The following ZNF12 variants were observed in gnomAD, a reference collection of about 807,000 sequenced individuals.
The protein encoded by ZNF12 is zinc finger protein 12, also known as gonadotropin inducible transcription repressor 3.
ZNF12 carries 34 observed loss-of-function variants against 66.6 expected under a neutral mutation model. The observed-to-expected ratio is 0.51, with a 90% CI of 0.39 to 0.68. The LOEUF is 0.68. Ranked by LOEUF, ZNF12 falls within the 30% of genes least tolerant of loss-of-function variation. The pLI, the probability that ZNF12 is intolerant of heterozygous loss-of-function variation, is 0.00. For synonymous variants in ZNF12, 320 were observed against 278.9 expected, an observed-to-expected ratio of 1.15 and a Z score of -1.47; for missense variants, 697 against 826.9, an observed-to-expected ratio of 0.84 and a Z score of 1.93.
chr7:6,692,177 G>C lies in ZNF12; in HGVS notation c.765C>G (p.Asp255Glu), dbSNP rs778673098. Residue 255 changes from aspartate to glutamate, a missense_variant, in exon 5 of 5, where the codon GAC becomes GAG. Transcript: ENST00000405858. The surrounding 1 kb of genome is among the most constrained non-coding windows in gnomAD (Gnocchi z 5.1). Reference sequence around the variant, plus strand: ...TATGAGATGTCTGATGTACAGTGAGGTCCGACATCTGGAGAAAGGCTATTT... The same window carrying C: ...TATGAGATGTCTGATGTACAGTGAGCTCCGACATCTGGAGAAAGGCTATTT... ...GSEIAFLQMSDLTVHQTSHME... is the reference protein window; with the variant it reads ...GSEIAFLQMSELTVHQTSHME... 2.5e-6 allele frequency: 4 copies of C among 1,613,950 alleles called. No homozygotes were observed. The highest frequency in any genetic ancestry group is 1.1e-5 in the South Asian group (1 of 91,086).
chr7:6,698,284 G>C lies in ZNF12; in HGVS notation c.16-473C>G, dbSNP rs546151593. 2.6e-5 allele frequency among the ~76,000 whole-genome samples: 4 copies of C among 151,818 alleles called. No homozygotes were observed. Among genetic ancestry groups the C allele is most frequent in the Non-Finnish European group, 4.4e-5 (3 of 67,984 alleles). On this transcript the variant is annotated intron_variant, in intron 2 of 4. Transcript: ENST00000405858. The surrounding 1 kb of genome is among the most constrained non-coding windows in gnomAD (Gnocchi z 4.4). ...GTCATCCTGAATGTTGTGGGCCTAC[G>C]GCTGTCTTGAGTCTTTTTCTCTTTG...
chr7:6,690,719 G>C lies in ZNF12; in HGVS notation c.*129C>G. 1.1e-6 allele frequency: 1 copy of C among 933,308 alleles called. No homozygotes were observed. Among genetic ancestry groups the C allele is most frequent in the Non-Finnish European group, 1.6e-6 (1 of 641,784 alleles). 57.8% of individuals were successfully genotyped at this position (933,308 alleles called of 1,614,324 possible). On this transcript the variant is annotated 3_prime_UTR_variant, in exon 5 of 5. Transcript: ENST00000405858. The stretch of plus-strand genomic sequence containing the variant: ...CATTCTGTGAGTCTTCAGATTATGA[G>C]TCCAACACACAAGGGGATGTCCACA...
At chr7:6,704,405 T>G (rs954728961) in intron 2 of ZNF12, 1 of 151,202 alleles carries the variant, frequency 6.6e-6, no homozygotes, top group Non-Finnish European at 1.5e-5. Context: ...AAAAAGAATC[T>G]ACCTTTGAGA....
chr7:6,700,289 GAA>G (rs71539971), intron 2 of ZNF12, among the ~76,000 whole-genome samples: 5 of 119,510 alleles, frequency 4.2e-5, no homozygotes, highest in African/African-American at 1.3e-4. Flanking sequence ...CGTCTGAGAG[GAA>G]AAAAAAAAAA....
chr7:6,688,611 C>T lies in ZNF12; in HGVS notation c.*2237G>A, dbSNP rs764283870. The T allele has an allele frequency of 2.4e-4, 36 of 152,254 alleles. No homozygotes were observed. The highest frequency in any genetic ancestry group is 6.5e-4 in the African/African-American group (27 of 41,540). The allele number at this position is 152,254 out of a possible 1,614,324, so 9.4% of individuals were successfully genotyped here. ...TCCTGTTACGTACCATACTCACAAT[C>T]GTCTTGAAGAATATGGAGAAAAAGT... On this transcript the variant is annotated 3_prime_UTR_variant, in exon 5 of 5. Transcript: ENST00000405858. This position sits in a 1 kb window ranked among gnomAD's most constrained non-coding sequence, Gnocchi z 4.3.
At chr7:6,699,636 T>C (rs924292746) in intron 2 of ZNF12, among the ~76,000 whole-genome samples, 3 of 152,232 alleles carry the variant, frequency 2.0e-5, no homozygotes, top group Non-Finnish European at 4.4e-5. Flanking sequence ...CGTATGGCAT[T>C]GCCCTGCCTT....
In ZNF12 at chr7:6,698,304, T is replaced by C. The variant is rs1780184104; in HGVS notation, c.16-493A>G. On this transcript the variant is annotated intron_variant, in intron 2 of 4. Coordinates refer to ENST00000405858, the MANE Select transcript of ZNF12 (RefSeq NM_016265.4). This position sits in a 1 kb window ranked among gnomAD's most constrained non-coding sequence, Gnocchi z 4.4. ...CCTACGGCTGTCTTGAGTCTTTTTC[T>C]CTTTGCTGTCTGTACTTGCTGCTTT... Among the ~76,000 whole-genome samples the C allele has an allele frequency of 6.6e-6, 1 of 152,166 alleles. No homozygotes were observed. Among genetic ancestry groups the C allele is most frequent in the Admixed American group, 6.6e-5 (1 of 15,264 alleles).
intron 2 of ZNF12, among the ~76,000 whole-genome samples, chr7:6,704,740 CAAAAAAAAAAAAAAAAAAA>C (rs949897713): frequency 4.0e-4 from 13 of 32,254 alleles, no homozygotes; most frequent in East Asian, 4.3e-3. Context: ...TACTTGGTCT[CAAAAAAAAAAAAAAAAAAA>C]AAAAAAAAAA....
rs933301610 is a variant in ZNF12 at position 6,698,087 on chromosome 7, G to A, written c.16-276C>T. ...GGGAACTCTTAACACCAGCAGGGAC[G>A]AATCTCACCCCTGAGGAGCACAGGC... On this transcript the variant is annotated intron_variant, in intron 2 of 4. Transcript: ENST00000405858. This position sits in a 1 kb window ranked among gnomAD's most constrained non-coding sequence, Gnocchi z 4.4. 12 of 633,226 alleles carry A rather than the reference G, an allele frequency of 1.9e-5. No individual in the cohort carries two copies. In the East Asian group the frequency reaches 2.3e-4, roughly 12 times the overall value. 39.2% of individuals were successfully genotyped at this position (633,226 alleles called of 1,614,324 possible). A position where few individuals can be genotyped will look rare whatever the true frequency, so the allele number is the denominator to read the frequency against.
In ZNF12 at chr7:6,700,216, T is replaced by C. The variant is rs1008323431; in HGVS notation, c.16-2405A>G. Among the ~76,000 whole-genome samples the C allele has an allele frequency of 4.1e-5, 6 of 145,112 alleles. 1 individual carries two copies. The highest frequency in any genetic ancestry group is 3.5e-3 in the Middle Eastern group (1 of 282). ...AGGAAAATGGCGTGAACCCGGGAGG[T>C]GGAGCTTGCAGTGAGCCGAGATCGA... On this transcript the variant is annotated intron_variant, in intron 2 of 4. Coordinates refer to ENST00000405858, the MANE Select transcript of ZNF12 (RefSeq NM_016265.4).
chr7:6,689,282 A>C lies in ZNF12; in HGVS notation c.*1566T>G, dbSNP rs537893436. The C allele has an allele frequency of 1.3e-5, 2 of 152,320 alleles. No individual in the cohort carries two copies. Among genetic ancestry groups the C allele is most frequent in the African/African-American group, 4.8e-5 (2 of 41,570 alleles). The allele number at this position is 152,320 out of a possible 1,614,324, so 9.4% of individuals were successfully genotyped here. ...AGTATTTCTGCTCAGGCCATGATTA[A>C]ACTATAATCCATTGCTGAAAGATGG... On this transcript the variant is annotated 3_prime_UTR_variant, in exon 5 of 5. Transcript: ENST00000405858.
Position 6,688,775 on chromosome 7 carries a change from ACC to A in ZNF12, c.*2071_*2072del, listed in dbSNP as rs1780024785. ...TGAGAGGAAACAGAATTAGATCCTT[ACC>A]TCATACTATATGTTGTCAGCTAACA... On this transcript the variant is annotated 3_prime_UTR_variant, in exon 5 of 5. Coordinates refer to ENST00000405858, the MANE Select transcript of ZNF12 (RefSeq NM_016265.4). The surrounding 1 kb of genome is among the most constrained non-coding windows in gnomAD (Gnocchi z 4.3). 1 of 152,340 alleles carries A rather than the reference ACC, an allele frequency of 6.6e-6. No individual in the cohort carries two copies. Among genetic ancestry groups the A allele is most frequent in the Admixed American group, 6.5e-5 (1 of 15,276 alleles). 9.4% of individuals were successfully genotyped at this position (152,340 alleles called of 1,614,324 possible). A position where few individuals can be genotyped will look rare whatever the true frequency, so the allele number is the denominator to read the frequency against.
At position 6,705,270 on chromosome 7, in the gene ZNF12, GC is replaced by G; in HGVS notation, c.-50-48del. 1 of 1,488,628 alleles carries G rather than the reference GC, an allele frequency of 6.7e-7. No individual in the cohort carries two copies. Among genetic ancestry groups the G allele is most frequent in the Non-Finnish European group, 9.3e-7 (1 of 1,079,144 alleles). 92.2% of individuals were successfully genotyped at this position (1,488,628 alleles called of 1,614,324 possible). A position where few individuals can be genotyped will look rare whatever the true frequency, so the allele number is the denominator to read the frequency against. Reference sequence around the variant, plus strand: ...CATGGCGTTATGAGCGGTCTGGCCTGCCAAGGCGGTCATCTCCCGCCCAAAA... The same window carrying G: ...CATGGCGTTATGAGCGGTCTGGCCTGCAAGGCGGTCATCTCCCGCCCAAAA... On this transcript the variant is annotated intron_variant, in intron 1 of 4. Transcript: ENST00000405858. The surrounding 1 kb of genome is among the most constrained non-coding windows in gnomAD (Gnocchi z 4.0).
In ZNF12 at chr7:6,692,062, C is replaced by T; in HGVS notation, c.880G>A (p.Glu294Lys). ...FIIHQRTHTG[E>K]KPYECNQCGK... ...CACTGATTACATTCGTAAGGTTTCT[C>T]TCCTGTGTGAGTCCTCTGATGTATA... Residue 294 changes from glutamate (E) to lysine (K), a missense_variant, in exon 5 of 5, where the codon GAG becomes AAG. This residue lies in a region of ZNF12 where 401 missense variants were observed against 519.0 expected (regional missense o/e 0.77). Coordinates refer to ENST00000405858, the MANE Select transcript of ZNF12 (RefSeq NM_016265.4). This position sits in a 1 kb window ranked among gnomAD's most constrained non-coding sequence, Gnocchi z 5.1. 1 of 1,613,778 alleles carries T rather than the reference C, an allele frequency of 6.2e-7. No homozygotes were observed. The highest frequency in any genetic ancestry group is 8.5e-7 in the Non-Finnish European group (1 of 1,179,654).
chr7:6,695,329 G>A (rs1022049139), intron 4 of ZNF12, among the ~76,000 whole-genome samples: 1 of 152,140 alleles, frequency 6.6e-6, no homozygotes, highest in Non-Finnish European at 1.5e-5. Flanking sequence ...GAATCATATA[G>A]GTATTTTTCC....
At chr7:6,694,872 T>C (rs770383863) in intron 4 of ZNF12, among the ~76,000 whole-genome samples, 4 of 152,238 alleles carry the variant, frequency 2.6e-5, no homozygotes, top group Non-Finnish European at 4.4e-5. Context: ...AGCCTTGCAT[T>C]GGAACATCAG....
At chr7:6,700,812 G>A (rs1174764535) in intron 2 of ZNF12, 2 of 152,142 alleles carry the variant, frequency 1.3e-5, no homozygotes, top group Non-Finnish European at 2.9e-5. Flanking sequence ...AGCCCTCCAG[G>A]AGACTTACTC....
At chr7:6,702,119 G>T (rs572076138) in intron 2 of ZNF12, among the ~76,000 whole-genome samples, 1 of 152,066 alleles carries the variant, frequency 6.6e-6, no homozygotes, top group African/African-American at 2.4e-5. Context: ...GTCTTCCTTG[G>T]GCTGGACTCT....
Position 6,705,651 on chromosome 7 carries a change from G to A in ZNF12, c.-50-428C>T, listed in dbSNP as rs939404575. ...GGAGAATCGCTTGAACCCGGGAGGC[G>A]GAGGTTGCAGTGAGCTGGGATGGCA... On this transcript the variant is annotated intron_variant, in intron 1 of 4. Transcript: ENST00000405858. This position sits in a 1 kb window ranked among gnomAD's most constrained non-coding sequence, Gnocchi z 4.0. Among the ~76,000 whole-genome samples, 12 of 151,772 alleles carry A rather than the reference G, an allele frequency of 7.9e-5. No homozygotes were observed. In the East Asian group the frequency reaches 1.9e-3, roughly 24 times the overall value.
Sources: allele counts gnomAD v4.1 joint callset (sites outside exome capture counted in the v4.1 genomes callset), GRCh38; gene constraint gnomAD v4.1.1; regional missense constraint gnomAD v4.1.1; non-coding constraint Gnocchi (gnomAD v3.1); transcripts MANE v1.5; gene names NCBI Gene and HGNC (gene_info 2026-07-23, HGNC 2026-07-21).